NXPH1: variants seen among roughly 807,000 people sequenced by gnomAD.
NXPH1 encodes the protein neurexophilin-1.
A neutral mutation model predicts 23.7 loss-of-function variants in NXPH1; 5 were observed. That is an observed-to-expected ratio of 0.21 (90% CI 0.11 to 0.44). The LOEUF is 0.44. Ranked by LOEUF, NXPH1 falls within the 20% of genes least tolerant of loss-of-function variation. The pLI is 0.99. For synonymous variants in NXPH1, 144 were observed against 122.2 expected (o/e 1.18, Z -1.18); for missense variants, 324 against 321.6 (o/e 1.01, Z -0.06).
At chr7:8,449,293 C>T (rs1816462798) in intron 2 of NXPH1, among the ~76,000 whole-genome samples, 1 of 152,194 alleles carries the variant, frequency 6.6e-6, no homozygotes, top group Admixed American at 6.5e-5. Context: ...CCTTCCAAGG[C>T]ATTGCCCTGG....
At chr7:8,461,836 C>CAAAAAAAAAAAAAAAAAAAAAA (rs748848772) in intron 2 of NXPH1, among the ~76,000 whole-genome samples, 1 of 41,756 alleles carries the variant, frequency 2.4e-5, no homozygotes. Flanking sequence ...GACTCCGTCT[C>CAAAAAAAAAAAAAAAAAAAAAA]AAAAAAAAAA....
intron 2 of NXPH1, among the ~76,000 whole-genome samples, chr7:8,750,730 C>T (rs1225743194): frequency 6.6e-6 from 1 of 152,106 alleles, no homozygotes; most frequent in East Asian, 1.9e-4. Flanking sequence ...CCCACATCTC[C>T]CTTCTTCCAT....
At chr7:8,538,495 C>A (rs1349587095) in intron 2 of NXPH1, among the ~76,000 whole-genome samples, 4 of 151,832 alleles carry the variant, frequency 2.6e-5, no homozygotes, top group Admixed American at 1.3e-4. Context: ...GTCTCTTCAT[C>A]TGTAAAATGA....
At chr7:8,692,784 A>G (rs1821241925) in intron 2 of NXPH1, among the ~76,000 whole-genome samples, 1 of 152,170 alleles carries the variant, frequency 6.6e-6, no homozygotes, top group Admixed American at 6.6e-5. Flanking sequence ...GGTAACTTCT[A>G]AAGCCGAGTT....
chr7:8,675,353 A>T (rs1820935722), intron 2 of NXPH1, among the ~76,000 whole-genome samples: 1 of 152,062 alleles, frequency 6.6e-6, no homozygotes, highest in Non-Finnish European at 1.5e-5. Context: ...ATTTTTAGGC[A>T]TAAGCCAATA....
At chr7:8,519,285 G>T (rs999095098) in intron 2 of NXPH1, among the ~76,000 whole-genome samples, 1 of 152,104 alleles carries the variant, frequency 6.6e-6, no homozygotes, top group African/African-American at 2.4e-5. Context: ...AAAGTGTGAG[G>T]CAAATGACAC....
At chr7:8,503,927 C>T (rs1025586633) in intron 2 of NXPH1, among the ~76,000 whole-genome samples, 1 of 152,036 alleles carries the variant, frequency 6.6e-6, no homozygotes, top group African/African-American at 2.4e-5. Context: ...TCAGTTCAGC[C>T]TGCAAAGCCA....
At chr7:8,723,089 T>G (rs1275121906) in intron 2 of NXPH1, among the ~76,000 whole-genome samples, 1 of 152,226 alleles carries the variant, frequency 6.6e-6, no homozygotes, top group Non-Finnish European at 1.5e-5. Context: ...TTTAAACCGT[T>G]GCAAACATAC....
intron 2 of NXPH1, among the ~76,000 whole-genome samples, chr7:8,540,295 T>G (rs960003596): frequency 6.6e-6 from 1 of 151,834 alleles, no homozygotes; most frequent in Non-Finnish European, 1.5e-5. Context: ...AACTGGGACT[T>G]CTGCTGTCGG....
chr7:8,454,864 T>G (rs2128605997), intron 2 of NXPH1, among the ~76,000 whole-genome samples: 1 of 152,274 alleles, frequency 6.6e-6, no homozygotes, highest in Middle Eastern at 3.4e-3. Flanking sequence ...TAGACAGTCA[T>G]CTTTCCTAGG....
intron 2 of NXPH1, among the ~76,000 whole-genome samples, chr7:8,512,952 A>G (rs562117962): frequency 1.3e-5 from 2 of 152,276 alleles, no homozygotes; most frequent in East Asian, 1.9e-4. Context: ...ATATATTACT[A>G]GCAAGTAATC....
At chr7:8,631,810 C>T (rs1018540928) in intron 2 of NXPH1, among the ~76,000 whole-genome samples, 9 of 152,148 alleles carry the variant, frequency 5.9e-5, no homozygotes, top group African/African-American at 2.2e-4. Context: ...CTAACATTCT[C>T]TTATTAGAAG....
At chr7:8,500,957 A>G (rs955328465) in intron 2 of NXPH1, among the ~76,000 whole-genome samples, 2 of 152,122 alleles carry the variant, frequency 1.3e-5, no homozygotes, top group Admixed American at 6.6e-5. Flanking sequence ...AGAAGTGTCC[A>G]GTAAAACATA....
At chr7:8,505,466 A>G (rs917753727) in intron 2 of NXPH1, among the ~76,000 whole-genome samples, 2 of 152,074 alleles carry the variant, frequency 1.3e-5, no homozygotes, top group Admixed American at 6.6e-5. Context: ...CTAGAAATAA[A>G]TAATAGACCT....
intron 2 of NXPH1, among the ~76,000 whole-genome samples, chr7:8,666,187 T>C (rs1482799288): frequency 6.6e-6 from 1 of 152,022 alleles, no homozygotes; most frequent in Non-Finnish European, 1.5e-5. Flanking sequence ...GCTTGTCATA[T>C]ATGGCCTTTA....
At chr7:8,507,151 T>C (rs956832498) in intron 2 of NXPH1, among the ~76,000 whole-genome samples, 1 of 151,442 alleles carries the variant, frequency 6.6e-6, no homozygotes, top group Non-Finnish European at 1.5e-5. Flanking sequence ...ATTTAAGGGA[T>C]GAAATTGATT....
intron 2 of NXPH1, among the ~76,000 whole-genome samples, chr7:8,724,215 A>G (rs1311079984): frequency 6.6e-6 from 1 of 152,190 alleles, no homozygotes; most frequent in Admixed American, 6.5e-5. Context: ...ATCTTTTTTC[A>G]AAGAGACCTG....
At chr7:8,743,689 CTT>C (rs5882188) in intron 2 of NXPH1, among the ~76,000 whole-genome samples, 2 of 141,664 alleles carry the variant, frequency 1.4e-5, no homozygotes, top group Non-Finnish European at 3.0e-5. Context: ...TTTTTCTTTT[CTT>C]TTTTTTTTTT....
intron 2 of NXPH1, among the ~76,000 whole-genome samples, chr7:8,730,485 T>A (rs1160006910): frequency 1.3e-5 from 2 of 152,120 alleles, no homozygotes. Context: ...GTACCGGTTG[T>A]TCCTTTCCAT....
Sources: gnomAD v4.1 joint callset for allele counts (sites outside exome capture counted in the v4.1 genomes callset) on GRCh38, gnomAD v4.1.1 for gene constraint, MANE v1.5 for transcripts, NCBI Gene and HGNC (gene_info 2026-07-23, HGNC 2026-07-21) for gene names.